The following TMEM132C variants were observed in gnomAD, a reference collection of about 807,000 sequenced individuals.
The protein encoded by TMEM132C is protein phosphatase 1, regulatory subunit 152.
A neutral mutation model predicts 61.4 loss-of-function variants in TMEM132C; 29 were observed. The observed-to-expected ratio is 0.47, with a 90% confidence interval of 0.35 to 0.64. The LOEUF (loss-of-function observed/expected upper bound fraction) is 0.64. Among genes scored for constraint, TMEM132C ranks in the 30% least tolerant of loss-of-function variants. The pLI, the probability that TMEM132C is intolerant of heterozygous loss-of-function variation, is 0.00. For missense variants in TMEM132C, 1,408 were observed against 1,476.9 expected (o/e 0.95, Z 0.76); for synonymous variants, 656 against 633.1 (o/e 1.04, Z -0.54).
intron 1 of TMEM132C, among the ~76,000 whole-genome samples, chr12:128,273,935 G>T (rs899519197): frequency 6.6e-6 from 1 of 152,136 alleles, no homozygotes; most frequent in Non-Finnish European, 1.5e-5. Context: ...AATAAAAATT[G>T]TATTAATGGT....
At chr12:128,643,449 C>A (rs1460556911) in intron 4 of TMEM132C, among the ~76,000 whole-genome samples, 1 of 152,068 alleles carries the variant, frequency 6.6e-6, no homozygotes, top group Non-Finnish European at 1.5e-5. Context: ...GGTAACGAAA[C>A]CTCGGCTGAG....
At chr12:128,502,295 G>A (rs1462354553) in intron 2 of TMEM132C, among the ~76,000 whole-genome samples, 3 of 152,098 alleles carry the variant, frequency 2.0e-5, no homozygotes, top group Non-Finnish European at 4.4e-5. Flanking sequence ...TCCTTGAAGT[G>A]GTACAAGCCA....
chr12:128,655,295 A>C (rs930079350), intron 4 of TMEM132C, among the ~76,000 whole-genome samples: 6 of 152,156 alleles, frequency 3.9e-5, no homozygotes, highest in African/African-American at 1.4e-4. Context: ...TGGCCTGCTT[A>C]GAGGGAAAAT....
chr12:128,633,321 A>T (rs1387161465), intron 4 of TMEM132C, among the ~76,000 whole-genome samples: 1 of 152,176 alleles, frequency 6.6e-6, no homozygotes, highest in Non-Finnish European at 1.5e-5. Flanking sequence ...GTTGTAGGGG[A>T]TTATACACAG....
chr12:128,529,551 A>G (rs561160897), intron 2 of TMEM132C, among the ~76,000 whole-genome samples: 1 of 152,226 alleles, frequency 6.6e-6, no homozygotes, highest in Non-Finnish European at 1.5e-5. Flanking sequence ...TGAGAGGCCA[A>G]GGCGGGTGGA....
intron 2 of TMEM132C, among the ~76,000 whole-genome samples, chr12:128,510,440 G>A (rs1468110163): frequency 1.3e-5 from 2 of 152,166 alleles, no homozygotes. Flanking sequence ...TAAACAACAA[G>A]GTTTGCTTGT....
At chr12:128,281,867 GAA>G (rs1870908823) in intron 1 of TMEM132C, among the ~76,000 whole-genome samples, 1 of 152,170 alleles carries the variant, frequency 6.6e-6, no homozygotes, top group Non-Finnish European at 1.5e-5. Context: ...CCCTTCAGGT[GAA>G]GATAATGTCT....
At chr12:128,618,355 GTA>G (rs1593122255) in intron 4 of TMEM132C, among the ~76,000 whole-genome samples, 1 of 74,304 alleles carries the variant, frequency 1.3e-5, no homozygotes, top group Non-Finnish European at 3.2e-5. Context: ...ACTAATGTCT[GTA>G]CTCTTGTCAG....
At chr12:128,370,660 C>T (rs1345681776) in intron 1 of TMEM132C, among the ~76,000 whole-genome samples, 1 of 152,058 alleles carries the variant, frequency 6.6e-6, no homozygotes, top group Non-Finnish European at 1.5e-5. Flanking sequence ...CTCCAACCTT[C>T]TGATCTCCTA....
At chr12:128,277,707 T>C (rs944313098) in intron 1 of TMEM132C, among the ~76,000 whole-genome samples, 1 of 152,050 alleles carries the variant, frequency 6.6e-6, no homozygotes, top group Non-Finnish European at 1.5e-5. Flanking sequence ...ATGAGCAAAA[T>C]GAAGGGAATC....
chr12:128,324,777 A>G (rs1274060269), intron 1 of TMEM132C, among the ~76,000 whole-genome samples: 1 of 152,142 alleles, frequency 6.6e-6, no homozygotes, highest in Non-Finnish European at 1.5e-5. Flanking sequence ...GCAGTGAACC[A>G]TGATTGTACC....
At chr12:128,563,108 G>A (rs1874580787) in intron 3 of TMEM132C, among the ~76,000 whole-genome samples, 1 of 152,248 alleles carries the variant, frequency 6.6e-6, no homozygotes, top group Non-Finnish European at 1.5e-5. Context: ...GTGCCTAGCT[G>A]CAAGGGAAGC....
intron 1 of TMEM132C, among the ~76,000 whole-genome samples, chr12:128,377,357 A>G (rs1451009864): frequency 6.6e-6 from 1 of 152,104 alleles, no homozygotes; most frequent in South Asian, 2.1e-4. Flanking sequence ...CTGGCCCGAG[A>G]ATCTTTTTCT....
chr12:128,470,797 G>A (rs1870925533), intron 2 of TMEM132C, among the ~76,000 whole-genome samples: 1 of 152,138 alleles, frequency 6.6e-6, no homozygotes, highest in South Asian at 2.1e-4. Flanking sequence ...CAAGCCAGGT[G>A]GCCTTTCTTG....
At chr12:128,687,224 A>G (rs1350189740) in intron 5 of TMEM132C, among the ~76,000 whole-genome samples, 1 of 147,668 alleles carries the variant, frequency 6.8e-6, no homozygotes, top group African/African-American at 2.5e-5. Flanking sequence ...AAAAAGAGGA[A>G]ATGTCAGAGA....
At chr12:128,665,852 CACACACAT>C (rs1954460456) in intron 4 of TMEM132C, among the ~76,000 whole-genome samples, 2 of 147,690 alleles carry the variant, frequency 1.4e-5, no homozygotes, top group East Asian at 2.0e-4. Context: ...CAGGCACACA[CACACACAT>C]ACACACAGGC....
intron 1 of TMEM132C, among the ~76,000 whole-genome samples, chr12:128,271,739 C>T (rs930169294): frequency 6.6e-6 from 1 of 152,204 alleles, no homozygotes; most frequent in East Asian, 1.9e-4. Context: ...CTTCTTCGTT[C>T]ATCTCACTGT....
intron 1 of TMEM132C, among the ~76,000 whole-genome samples, chr12:128,413,650 T>C: frequency 6.6e-6 from 1 of 151,606 alleles, no homozygotes; most frequent in East Asian, 1.9e-4. Flanking sequence ...ATAAATAATT[T>C]TAATATATTT....
At chr12:128,518,823 A>C (rs1464892065) in intron 2 of TMEM132C, among the ~76,000 whole-genome samples, 3 of 152,108 alleles carry the variant, frequency 2.0e-5, no homozygotes, top group African/African-American at 7.2e-5. Context: ...AAAAGACTGC[A>C]TGGTTTGAAT....
Sources: gnomAD v4.1 joint callset for allele counts (sites outside exome capture counted in the v4.1 genomes callset) on GRCh38, gnomAD v4.1.1 for gene constraint, MANE v1.5 for transcripts, NCBI Gene and HGNC (gene_info 2026-07-23, HGNC 2026-07-21) for gene names.